Variants in NXN observed in about 807,000 individuals in gnomAD.
The protein encoded by NXN is nucleoredoxin 1.
A neutral mutation model predicts 48.6 loss-of-function variants in NXN; 16 were observed. The ratio of observed to expected loss-of-function variants is 0.33; its 90% CI spans 0.22 to 0.50. The LOEUF (loss-of-function observed/expected upper bound fraction) is 0.50, where lower values mean the gene tolerates loss of function less well. Among genes scored for constraint, NXN ranks in the 20% least tolerant of loss-of-function variants. The pLI is 0.98. For missense variants in NXN, 492 were observed against 605.5 expected (o/e 0.81, Z 1.97); for synonymous variants, 281 against 269.6 (o/e 1.04, Z -0.41).
chr17:966,417 G>T (rs1269552636), intron 1 of NXN, among the ~76,000 whole-genome samples: 1 of 151,820 alleles, frequency 6.6e-6, no homozygotes, highest in Admixed American at 6.6e-5. Context: ...GCACGAATTT[G>T]GCTCACCGCA....
intron 1 of NXN, among the ~76,000 whole-genome samples, chr17:835,094 G>T (rs538812891): frequency 1.3e-5 from 2 of 151,424 alleles, no homozygotes; most frequent in East Asian, 4.0e-4. Context: ...GGATCACAAG[G>T]TCAGGAGATC....
At chr17:931,886 G>A (rs1242804966) in intron 1 of NXN, among the ~76,000 whole-genome samples, 1 of 147,942 alleles carries the variant, frequency 6.8e-6, no homozygotes, top group African/African-American at 2.6e-5. Context: ...GCTCACGCCT[G>A]TAATCCCAGC....
intron 1 of NXN, among the ~76,000 whole-genome samples, chr17:960,788 AT>A (rs1159400723): frequency 2.0e-3 from 281 of 138,050 alleles, no homozygotes; most frequent in East Asian, 2.4e-3. Flanking sequence ...AATTAACTCG[AT>A]TTTTTTTTTT....
chr17:967,445 C>T (rs1401332274), intron 1 of NXN, among the ~76,000 whole-genome samples: 3 of 152,244 alleles, frequency 2.0e-5, no homozygotes, highest in African/African-American at 4.8e-5. Context: ...TGACCTATAT[C>T]TGGACCTCTC....
chr17:907,379 A>G (rs1231430165), intron 1 of NXN, among the ~76,000 whole-genome samples: 3 of 149,454 alleles, frequency 2.0e-5, no homozygotes, highest in African/African-American at 7.4e-5. Flanking sequence ...TCACTCGGTC[A>G]CTCAAGCTGG....
chr17:812,669 T>TATGA (rs1912158498), intron 5 of NXN, among the ~76,000 whole-genome samples: 2 of 150,480 alleles, frequency 1.3e-5, no homozygotes, highest in Non-Finnish European at 3.0e-5. Flanking sequence ...TGTAGGTGTG[T>TATGA]GTGAGTGTAG....
intron 1 of NXN, among the ~76,000 whole-genome samples, chr17:897,503 G>A (rs1484983944): frequency 2.0e-5 from 3 of 152,148 alleles, no homozygotes; most frequent in Admixed American, 2.0e-4. Context: ...GAAGGAAAAT[G>A]CCGGGCGGCC....
At chr17:832,493 G>T (rs1913537351) in intron 1 of NXN, among the ~76,000 whole-genome samples, 1 of 152,086 alleles carries the variant, frequency 6.6e-6, no homozygotes, top group Non-Finnish European at 1.5e-5. Context: ...CCTCAGCCAG[G>T]AATTTTTAAG....
At chr17:977,790 C>T (rs1204779645) in intron 1 of NXN, among the ~76,000 whole-genome samples, 1 of 152,212 alleles carries the variant, frequency 6.6e-6, no homozygotes, top group Non-Finnish European at 1.5e-5. Context: ...AAACCACCAC[C>T]AAGGAAAACA....
chr17:975,573 G>A (rs1231127925), intron 1 of NXN, among the ~76,000 whole-genome samples: 1 of 152,160 alleles, frequency 6.6e-6, no homozygotes, highest in Non-Finnish European at 1.5e-5. Flanking sequence ...CCCTGACTCT[G>A]CAGACTTTCT....
rs1911160359 is a variant in NXN, at chr17:800,804, T to C, written c.*145A>G. 3 of 467,010 alleles carry C rather than the reference T, an allele frequency of 6.4e-6. No homozygotes were observed. In the East Asian group the frequency reaches 1.1e-4, roughly 16 times the overall value. The allele number at this position is 467,010 out of a possible 1,614,324, so 28.9% of individuals were successfully genotyped here. A position where few individuals can be genotyped will look rare whatever the true frequency, so the allele number is the denominator to read the frequency against. ...ACCCCAGGGTGCTGGCTGAGGAGTT[T>C]ACTGCAGAAACAAGGCACCACAGAG... On this transcript the variant is annotated 3_prime_UTR_variant, in exon 8 of 8. Coordinates refer to ENST00000336868, the MANE Select transcript of NXN (RefSeq NM_022463.5).
chr17:950,286 AT>A (rs1158529962), intron 1 of NXN, among the ~76,000 whole-genome samples: 9 of 152,224 alleles, frequency 5.9e-5, no homozygotes, highest in African/African-American at 2.2e-4. Context: ...GAATCTTTTT[AT>A]ACAAGAAAGG....
chr17:828,292 C>T (rs1286061364), intron 1 of NXN, among the ~76,000 whole-genome samples: 2 of 150,940 alleles, frequency 1.3e-5, no homozygotes, highest in East Asian at 1.9e-4. Flanking sequence ...TTAGTAGAGA[C>T]GGGGTTTCAC....
At chr17:815,941 G>A (rs961055748) in intron 5 of NXN, among the ~76,000 whole-genome samples, 2 of 152,126 alleles carry the variant, frequency 1.3e-5, no homozygotes, top group African/African-American at 4.8e-5. Flanking sequence ...TAGGGGAGTC[G>A]GAGGAAGACA....
At chr17:976,687 T>G (rs1185381291) in intron 1 of NXN, among the ~76,000 whole-genome samples, 1 of 152,170 alleles carries the variant, frequency 6.6e-6, no homozygotes, top group African/African-American at 2.4e-5. Context: ...CTAAGCACCC[T>G]AACTTCAAAT....
Position 920,774 on chromosome 17 carries a change from G to T in NXN, c.360+58545C>A, listed in dbSNP as rs1371650319. Among the ~76,000 whole-genome samples, 1 of 151,262 alleles carries T rather than the reference G, an allele frequency of 6.6e-6. No homozygotes were observed. The highest frequency in any genetic ancestry group is 1.9e-4 in the East Asian group (1 of 5,156). ...GTCTCGCCCTGTTGCCCAGGCTGGA[G>T]TGCAGTGGTGGGATCTCGGCTCGCT... On this transcript the variant is annotated intron_variant, in intron 1 of 7. Transcript: ENST00000336868. This position sits in a 1 kb window ranked among gnomAD's most constrained non-coding sequence, Gnocchi z 4.6.
intron 1 of NXN, among the ~76,000 whole-genome samples, chr17:850,973 C>T (rs988355191): frequency 1.2e-4 from 19 of 152,170 alleles, no homozygotes; most frequent in African/African-American, 3.9e-4. Context: ...GAATCAGACC[C>T]GGACGATGCC....
At chr17:839,713 G>A (rs1247479661) in intron 1 of NXN, among the ~76,000 whole-genome samples, 1 of 149,712 alleles carries the variant, frequency 6.7e-6, no homozygotes, top group East Asian at 2.0e-4. Flanking sequence ...GAGGCAGGAG[G>A]ATCACCTGAA....
chr17:943,200 C>G (rs1049936117), intron 1 of NXN, among the ~76,000 whole-genome samples: 16 of 152,180 alleles, frequency 1.1e-4, no homozygotes, highest in African/African-American at 3.6e-4. Flanking sequence ...TTCTCTCTCT[C>G]GACTAAAATG....
Sources: allele counts gnomAD v4.1 joint callset (sites outside exome capture counted in the v4.1 genomes callset), GRCh38; gene constraint gnomAD v4.1.1; non-coding constraint Gnocchi (gnomAD v3.1); transcripts MANE v1.5; gene names NCBI Gene and HGNC (gene_info 2026-07-23, HGNC 2026-07-21).